Variants in FAM185A observed in about 807,000 individuals in gnomAD.
FAM185A encodes protein FAM185A.
Under a neutral mutation model 45.7 loss-of-function variants are expected in FAM185A, and 21 were observed. That is an observed-to-expected ratio of 0.46 (90% CI 0.33 to 0.66). The LOEUF is 0.66. Among genes scored for constraint, FAM185A ranks in the 30% least tolerant of loss-of-function variants. The pLI is 0.03. For synonymous variants in FAM185A, 117 were observed against 194.0 expected, an observed-to-expected ratio of 0.60 and a Z score of 3.30; for missense variants, 305 against 485.4, an observed-to-expected ratio of 0.63 and a Z score of 3.49.
chr7:102,783,423 A>G (rs1192551401), intron 6 of FAM185A, among the ~76,000 whole-genome samples: 1 of 152,096 alleles, frequency 6.6e-6, no homozygotes, highest in Non-Finnish European at 1.5e-5. Context: ...CAGGAAATGT[A>G]AAAGAACAGA....
intron 6 of FAM185A, among the ~76,000 whole-genome samples, chr7:102,782,724 AG>A (rs1795489559): frequency 6.6e-6 from 1 of 152,182 alleles, no homozygotes; most frequent in East Asian, 1.9e-4. Flanking sequence ...CATCGAGGCT[AG>A]GAAGAAACTG....
chr7:102,784,670 C>A (rs1398980262), intron 6 of FAM185A, among the ~76,000 whole-genome samples: 1 of 151,956 alleles, frequency 6.6e-6, no homozygotes, highest in African/African-American at 2.4e-5. Context: ...TTAGGTATTG[C>A]TGGGATGTAT....
chr7:102,788,475 G>T (rs1198116217), intron 7 of FAM185A, among the ~76,000 whole-genome samples: 14 of 151,978 alleles, frequency 9.2e-5, no homozygotes, highest in Non-Finnish European at 1.6e-4. Flanking sequence ...TCAGTTTTAG[G>T]TATTCATTTT....
intron 6 of FAM185A, among the ~76,000 whole-genome samples, chr7:102,778,799 G>GTAAGAGTAACTTTT (rs1271719473): frequency 1.3e-5 from 2 of 152,144 alleles, no homozygotes; most frequent in Admixed American, 6.5e-5. Flanking sequence ...AATACACTTG[G>GTAAGAGTAACTTTT]TAAGAGTAAC....
At chr7:102,752,221 AAGT>A (rs1793405713) in intron 2 of FAM185A, among the ~76,000 whole-genome samples, 1 of 152,170 alleles carries the variant, frequency 6.6e-6, no homozygotes. Context: ...CTTAAGGATT[AAGT>A]AGTTATTTGT....
chr7:102,758,827 C>T (rs1793937381), intron 3 of FAM185A, among the ~76,000 whole-genome samples: 1 of 150,750 alleles, frequency 6.6e-6, no homozygotes, highest in South Asian at 2.1e-4. Flanking sequence ...TCTTCCATCA[C>T]CTTCCTACAA....
At chr7:102,799,670 C>T (rs77449850) in intron 7 of FAM185A, among the ~76,000 whole-genome samples, 2 of 152,154 alleles carry the variant, frequency 1.3e-5, no homozygotes, top group African/African-American at 4.8e-5. Context: ...GGTCCACTCG[C>T]CCAGCGTAAT....
chr7:102,835,525 C>T, the FAM185A span, among the ~76,000 whole-genome samples: 1 of 150,950 alleles, frequency 6.6e-6, no homozygotes, highest in Non-Finnish European at 1.5e-5. Flanking sequence ...TTCACTGATC[C>T]TTTATGTCTT....
chr7:102,814,989 A>G, the FAM185A span, among the ~76,000 whole-genome samples: 1 of 152,178 alleles, frequency 6.6e-6, no homozygotes, highest in Admixed American at 6.5e-5. Context: ...AGGTGAGATT[A>G]TCATATCTTT....
chr7:102,845,900 C>A, the FAM185A span, among the ~76,000 whole-genome samples: 1 of 152,156 alleles, frequency 6.6e-6, no homozygotes, highest in African/African-American at 2.4e-5. Context: ...TCCTACATAC[C>A]TTTATCACAG....
intron 5 of FAM185A, among the ~76,000 whole-genome samples, chr7:102,776,007 C>T (rs1795031052): frequency 1.3e-5 from 2 of 151,932 alleles, no homozygotes; most frequent in African/African-American, 4.8e-5. Flanking sequence ...TATAAATGAT[C>T]TTGGAGCCGC....
At chr7:102,825,542 G>A in the FAM185A span, among the ~76,000 whole-genome samples, 2 of 152,106 alleles carry the variant, frequency 1.3e-5, no homozygotes, top group African/African-American at 4.8e-5. Flanking sequence ...CCAGTTTCAG[G>A]TATTCTGTTA....
chr7:102,776,842 A>C (rs1795102443), intron 5 of FAM185A, among the ~76,000 whole-genome samples: 1 of 151,902 alleles, frequency 6.6e-6, no homozygotes, highest in Non-Finnish European at 1.5e-5. Flanking sequence ...CAGCCTTGCT[A>C]CTGCTTGTAT....
At chr7:102,767,748 C>A (rs1794500566) in intron 4 of FAM185A, among the ~76,000 whole-genome samples, 1 of 152,034 alleles carries the variant, frequency 6.6e-6, no homozygotes, top group Non-Finnish European at 1.5e-5. Context: ...CCATTTGGAT[C>A]TTCACAGACA....
intron 3 of FAM185A, 62 bp downstream of exon 3, chr7:102,758,008 A>G: frequency 6.5e-7 from 1 of 1,543,640 alleles, no homozygotes; most frequent in African/African-American, 1.4e-5. Flanking sequence ...TTGGCTCACC[A>G]AGTTGGTAGG....
downstream of FAM185A, chr7:102,813,080 T>C (rs1158006846): frequency 1.0e-5 from 3 of 297,030 alleles, no homozygotes; most frequent in Non-Finnish European, 1.9e-5. Context: ...TGACTTATGG[T>C]CCACCCGCCT....
chr7:102,847,465 T>C, the FAM185A span, among the ~76,000 whole-genome samples: 1 of 152,230 alleles, frequency 6.6e-6, no homozygotes, highest in Non-Finnish European at 1.5e-5. Flanking sequence ...TTTAAATGGA[T>C]GATTAATTTT....
intron 7 of FAM185A, among the ~76,000 whole-genome samples, chr7:102,796,762 G>A (rs929747975): frequency 6.6e-6 from 1 of 152,156 alleles, no homozygotes. Context: ...TGATACAGAT[G>A]ACCGAATTAG....
intron 6 of FAM185A, among the ~76,000 whole-genome samples, chr7:102,786,661 C>T (rs1171460710): frequency 6.6e-6 from 1 of 152,122 alleles, no homozygotes; most frequent in Non-Finnish European, 1.5e-5. Flanking sequence ...GGGAACATCA[C>T]ACACCGGGGC....
Sources: allele counts gnomAD v4.1 joint callset (sites outside exome capture counted in the v4.1 genomes callset), GRCh38; gene constraint gnomAD v4.1.1; transcripts MANE v1.5; gene names NCBI Gene and HGNC (gene_info 2026-07-23, HGNC 2026-07-21).